The following STXBP4 variants were observed in gnomAD, a reference collection of about 807,000 sequenced individuals.
STXBP4 encodes syntaxin binding protein 4.
Under a neutral mutation model 76.1 loss-of-function variants are expected in STXBP4, and 55 were observed. The ratio of observed to expected loss-of-function variants is 0.72; its 90% CI spans 0.58 to 0.91. The LOEUF (loss-of-function observed/expected upper bound fraction) is 0.91. Among genes scored for constraint, STXBP4 ranks in the 40% least tolerant of loss-of-function variants. STXBP4 has a pLI of 0.00. For missense variants in STXBP4, 618 were observed against 636.9 expected, an observed-to-expected ratio of 0.97 and a Z score of 0.32; for synonymous variants, 201 against 220.2, an observed-to-expected ratio of 0.91 and a Z score of 0.77.
In STXBP4 at chr17:55,160,797, C is replaced by G. The variant is rs1449767017; in HGVS notation, c.*886C>G. 1 of 152,256 alleles carries G rather than the reference C, an allele frequency of 6.6e-6. No individual in the cohort carries two copies. Among genetic ancestry groups the G allele is most frequent in the Non-Finnish European group, 1.5e-5 (1 of 68,088 alleles). 9.4% of individuals were successfully genotyped at this position (152,256 alleles called of 1,614,324 possible). A position where few individuals can be genotyped will look rare whatever the true frequency, so the allele number is the denominator to read the frequency against. On this transcript the variant is annotated 3_prime_UTR_variant, in exon 18 of 18. Transcript: ENST00000376352. ...TATTCTTCTCCTATAAACCCTTCCCCCTTCTCTGCACCCAAGCCTTCGCCA... is the reference window on the plus strand; with the variant it reads ...TATTCTTCTCCTATAAACCCTTCCCGCTTCTCTGCACCCAAGCCTTCGCCA...
At chr17:55,057,532 GGTT>G (rs977402998) in intron 12 of STXBP4, among the ~76,000 whole-genome samples, 39 of 152,146 alleles carry the variant, frequency 2.6e-4, no homozygotes, top group South Asian at 6.2e-4. Flanking sequence ...ATTCAAATTT[GGTT>G]GTTGTTGTTG....
chr17:55,019,649 G>C (rs944372678), intron 8 of STXBP4, among the ~76,000 whole-genome samples: 1 of 151,896 alleles, frequency 6.6e-6, no homozygotes, highest in African/African-American at 2.4e-5. Flanking sequence ...CATTTCTGAC[G>C]TTTTGGGTGG....
the STXBP4 span, among the ~76,000 whole-genome samples, chr17:55,185,867 A>C: frequency 4.5e-4 from 69 of 152,338 alleles, 1 homozygote; most frequent in Admixed American, 1.4e-3. Flanking sequence ...AACTGAGCAG[A>C]GGAACGTCAT....
chr17:55,140,875 C>CG (rs1211659171), intron 16 of STXBP4, among the ~76,000 whole-genome samples: 6 of 152,164 alleles, frequency 3.9e-5, no homozygotes, highest in African/African-American at 1.4e-4. Context: ...CCCTGCTGAT[C>CG]TGGCACTCAT....
Position 55,131,273 on chromosome 17 carries a change from T to C in STXBP4, c.1490-10037T>C, listed in dbSNP as rs116231659. On this transcript the variant is annotated intron_variant, in intron 16 of 17. Transcript: ENST00000376352. Reference sequence around the variant, plus strand: ...GCATTTCCCTGATGATTATTCATGGTGAATCACTTTTATACATCTGTTGGC... The same window carrying C: ...GCATTTCCCTGATGATTATTCATGGCGAATCACTTTTATACATCTGTTGGC... Among the ~76,000 whole-genome samples the C allele has an allele frequency of 4.2e-3, 635 of 152,342 alleles. 5 individuals are homozygous for C. Among genetic ancestry groups the C allele is most frequent in the African/African-American group, 0.011 (462 of 41,586 alleles).
At chr17:55,127,499 G>A (rs1030431374) in intron 16 of STXBP4, among the ~76,000 whole-genome samples, 6 of 152,074 alleles carry the variant, frequency 3.9e-5, no homozygotes, top group Non-Finnish European at 5.9e-5. Context: ...ATCCATGGAT[G>A]GATTTAAATG....
Position 55,151,697 on chromosome 17 carries a change from G to C in STXBP4, c.1548-8100G>C, listed in dbSNP as rs80002134. On this transcript the variant is annotated intron_variant, in intron 17 of 17. Coordinates refer to ENST00000376352, the MANE Select transcript of STXBP4 (RefSeq NM_178509.6). ...GACCGAAGGGAAGCGTGAGCTGTTA[G>C]CCAGGCCACTTACCATCATATTTAT... Among the ~76,000 whole-genome samples, 1,497 of 152,232 alleles carry C rather than the reference G, an allele frequency of 9.8e-3. 21 individuals carry two copies. The highest frequency in any genetic ancestry group is 0.034 in the African/African-American group (1,407 of 41,538).
chr17:55,099,414 C>T (rs1379841099), intron 16 of STXBP4, among the ~76,000 whole-genome samples: 3 of 152,174 alleles, frequency 2.0e-5, no homozygotes, highest in South Asian at 2.1e-4. Context: ...GGTGGTATAG[C>T]CTACTATCTA....
At chr17:55,071,306 C>A (rs1490660173) in intron 12 of STXBP4, among the ~76,000 whole-genome samples, 1 of 152,162 alleles carries the variant, frequency 6.6e-6, no homozygotes, top group African/African-American at 2.4e-5. Flanking sequence ...CACTCTACCT[C>A]CATCCCTATA....
chr17:55,082,846 A>C (rs2079273514), intron 16 of STXBP4, among the ~76,000 whole-genome samples: 1 of 152,202 alleles, frequency 6.6e-6, no homozygotes, highest in Non-Finnish European at 1.5e-5. Flanking sequence ...TTAAATAAAG[A>C]TAATGTAATA....
the STXBP4 span, among the ~76,000 whole-genome samples, chr17:55,193,548 G>A: frequency 9.2e-5 from 14 of 152,008 alleles, no homozygotes. Flanking sequence ...GCTTGAGCTA[G>A]GCAGTAAAAT....
the STXBP4 span, among the ~76,000 whole-genome samples, chr17:55,196,467 A>G: frequency 6.6e-6 from 1 of 152,214 alleles, no homozygotes; most frequent in Non-Finnish European, 1.5e-5. Flanking sequence ...CACTGTATCA[A>G]CTTGTTGAGC....
Position 55,011,337 on chromosome 17 carries a change from A to G in STXBP4, c.666+3740A>G, listed in dbSNP as rs529020168. On this transcript the variant is annotated intron_variant, in intron 8 of 17. Transcript: ENST00000376352. The stretch of plus-strand genomic sequence containing the variant: ...TTAAAGAATAATAAAACACACATTT[A>G]CCCATCACCCAACTTAAGAATCAGA... Among the ~76,000 whole-genome samples, 37 of 152,006 alleles carry G rather than the reference A, an allele frequency of 2.4e-4. No homozygotes were observed. The East Asian group carries it at 6.2e-3, about 25-fold the overall frequency.
intron 16 of STXBP4, among the ~76,000 whole-genome samples, chr17:55,087,386 A>G (rs2079349970): frequency 1.3e-5 from 2 of 151,760 alleles, no homozygotes; most frequent in Admixed American, 1.3e-4. Context: ...TTTTTCTCCT[A>G]GTAGTTTTAT....
chr17:55,077,293 TG>T (rs1381884319), intron 13 of STXBP4, among the ~76,000 whole-genome samples: 1 of 152,222 alleles, frequency 6.6e-6, no homozygotes, highest in African/African-American at 2.4e-5. Context: ...GTTTTGAGTT[TG>T]CTTCTGCTAG....
At chr17:54,986,084 G>T (rs2144368645) in intron 2 of STXBP4, 58 bp from the exon 3 acceptor site, 1 of 721,616 alleles carries the variant, frequency 1.4e-6, no homozygotes, top group South Asian at 1.7e-5. Context: ...TGAACAGTTG[G>T]AATCAAATTT....
intron 8 of STXBP4, among the ~76,000 whole-genome samples, chr17:55,009,001 G>A (rs1343083328): frequency 6.6e-6 from 1 of 152,158 alleles, no homozygotes; most frequent in Non-Finnish European, 1.5e-5. Flanking sequence ...TCTTTTGCAC[G>A]TTAGTAGCAC....
intron 16 of STXBP4, among the ~76,000 whole-genome samples, chr17:55,131,851 C>A (rs1435140200): frequency 6.6e-6 from 1 of 152,182 alleles, no homozygotes; most frequent in Non-Finnish European, 1.5e-5. Context: ...AACTCTCTGT[C>A]TTCCAGGCTC....
At chr17:54,985,820 T>C (rs1156996896) in intron 2 of STXBP4, 129 bp downstream of exon 2, 3 of 160,798 alleles carry the variant, frequency 1.9e-5, no homozygotes, top group Non-Finnish European at 4.0e-5. Context: ...TTTTTAAGCT[T>C]ACCAAGGGTG....
Sources: gnomAD v4.1 joint callset for allele counts (sites outside exome capture counted in the v4.1 genomes callset) on GRCh38, gnomAD v4.1.1 for gene constraint, MANE v1.5 for transcripts, NCBI Gene and HGNC (gene_info 2026-07-23, HGNC 2026-07-21) for gene names.